The following CLPTM1L variants were observed in gnomAD, a reference collection of about 807,000 sequenced individuals.
CLPTM1L encodes the protein lipid scramblase CLPTM1L.
A neutral mutation model predicts 70.9 loss-of-function variants in CLPTM1L; 38 were observed. The observed-to-expected ratio is 0.54, with a 90% CI of 0.41 to 0.70. The LOEUF is 0.70. CLPTM1L is among the 30% of genes least tolerant of loss of function. The pLI is 0.00. For missense variants in CLPTM1L, 652 were observed against 705.9 expected (o/e 0.92, Z 0.87); for synonymous variants, 339 against 299.9 (o/e 1.13, Z -1.35).
rs71598674 is a variant in CLPTM1L, at chr5:1,342,009, CGTGTGTGTGTGTGT to C, written c.264-163_264-150del. On this transcript the variant is annotated intron_variant, in intron 2 of 16. Coordinates refer to ENST00000320895, the MANE Select transcript of CLPTM1L (RefSeq NM_030782.5). This position sits in a 1 kb window ranked among gnomAD's most constrained non-coding sequence, Gnocchi z 4.3. ...CCCACCTGCCCAGGGCTTTACGAGT[CGTGTGTGTGTGTGT>C]GTGTGTGTGTGTGTGTGCACGCGCA... is the stretch of plus-strand genomic sequence containing the variant. 23 of 503,132 alleles carry C rather than the reference CGTGTGTGTGTGTGT, an allele frequency of 4.6e-5. No homozygotes were observed. The highest frequency in any genetic ancestry group is 1.4e-4 in the Admixed American group (4 of 28,642). The allele number at this position is 503,132 out of a possible 1,614,324, so 31.2% of individuals were successfully genotyped here.
rs184316644 is a variant in CLPTM1L at position 1,329,162 on chromosome 5, C to T, written c.1080+1118G>A. Among the ~76,000 whole-genome samples the T allele has an allele frequency of 8.7e-4, 133 of 152,354 alleles. 1 individual carries two copies. Among genetic ancestry groups the T allele is most frequent in the East Asian group, 2.9e-3 (15 of 5,180 alleles). ...GGCCCTCTCACCCTGAAGGCCATCG[C>T]CCCCCTCAAGGGTTTGCTCCTGAGC... is the stretch of plus-strand genomic sequence containing the variant. On this transcript the variant is annotated intron_variant, in intron 9 of 16. Transcript: ENST00000320895.
At position 1,344,435 on chromosome 5, in the gene CLPTM1L, G is replaced by A. The variant is rs780953448; in HGVS notation, c.179C>T (p.Thr60Met). 5.0e-6 allele frequency: 8 copies of A among 1,613,492 alleles called. No individual in the cohort carries two copies. In the South Asian group the frequency reaches 8.8e-5, roughly 18 times the overall value. The change falls in exon 2 of 17, where the codon ACG (threonine) becomes ATG (methionine). Residue 60 changes from threonine (T) to methionine (M), a missense_variant. Physicochemically the swap from Thr to Met is moderately conservative, Grantham distance 81 (BLOSUM62 -1). Coordinates refer to ENST00000320895, the MANE Select transcript of CLPTM1L (RefSeq NM_030782.5). The stretch of plus-strand genomic sequence containing the variant: ...CTCAGCACCCAGGTGGGACCTCGTC[G>A]TGGTGTACACGCTCAGCTGGAAAGG... ...RPKLQLSVYT[T>M]TRSHLGAENN...
Position 1,318,710 on chromosome 5 carries a change from AC to A in CLPTM1L, c.1533-258del, listed in dbSNP as rs1751976322. 6.6e-6 allele frequency among the ~76,000 whole-genome samples: 1 copy of A among 152,088 alleles called. No homozygotes were observed. Among genetic ancestry groups the A allele is most frequent in the Non-Finnish European group, 1.5e-5 (1 of 68,014 alleles). Reference sequence around the variant, plus strand: ...GCCGAAGGGACGACCCGGAGGCTGCACGGGCTGCCATGGCTGAAGGGGGGAC... The same window carrying A: ...GCCGAAGGGACGACCCGGAGGCTGCAGGGCTGCCATGGCTGAAGGGGGGAC... On this transcript the variant is annotated intron_variant, in intron 16 of 16. Coordinates refer to ENST00000320895, the MANE Select transcript of CLPTM1L (RefSeq NM_030782.5). This position sits in a 1 kb window ranked among gnomAD's most constrained non-coding sequence, Gnocchi z 8.9.
At chr5:1,326,892 C>G (rs1310244964) in intron 9 of CLPTM1L, among the ~76,000 whole-genome samples, 1 of 150,622 alleles carries the variant, frequency 6.6e-6, no homozygotes, top group East Asian at 2.0e-4. Context: ...TCATCCAGCT[C>G]CTCCTCTACG....
Position 1,318,138 on chromosome 5 carries a change from G to A in CLPTM1L, c.*231C>T. On this transcript the variant is annotated 3_prime_UTR_variant, in exon 17 of 17. Transcript: ENST00000320895. The surrounding 1 kb of genome is among the most constrained non-coding windows in gnomAD (Gnocchi z 8.9). ...GTGCCGGGAGCCACCACAGCTCAAG[G>A]TGACCGGCAGCACCCAGCTCTGTGA... 1.8e-6 allele frequency: 1 copy of A among 540,574 alleles called. No individual in the cohort carries two copies. Among genetic ancestry groups the A allele is most frequent in the Non-Finnish European group, 3.3e-6 (1 of 306,954 alleles). The allele number at this position is 540,574 out of a possible 1,614,324, so 33.5% of individuals were successfully genotyped here. A position where few individuals can be genotyped will look rare whatever the true frequency, so the allele number is the denominator to read the frequency against.
chr5:1,330,249 C>T (rs1752995536), intron 9 of CLPTM1L, 31 bp downstream of exon 9: 1 of 1,577,826 alleles, frequency 6.3e-7, no homozygotes, highest in African/African-American at 1.3e-5. Flanking sequence ...ACATGGACCT[C>T]AGACAGTTCA....
At chr5:1,327,771 C>T (rs1295347140) in intron 9 of CLPTM1L, among the ~76,000 whole-genome samples, 6 of 151,284 alleles carry the variant, frequency 4.0e-5, no homozygotes, top group Non-Finnish European at 8.8e-5. Flanking sequence ...TCCTCCTCTA[C>T]AGGGACATTC....
At position 1,338,373 on chromosome 5, in the gene CLPTM1L, C is replaced by T. The variant is rs529576042; in HGVS notation, c.600-391G>A. On this transcript the variant is annotated intron_variant, in intron 4 of 16. Coordinates refer to ENST00000320895, the MANE Select transcript of CLPTM1L (RefSeq NM_030782.5). ...TACACTTGGAAGGGCGAGTCACCTG[C>T]AGCCACCTGGGAGGCGGAGCTGTGG... The T allele has an allele frequency of 7.6e-4, 221 of 292,232 alleles. 5 individuals are homozygous for T. The South Asian group carries it at 0.011, about 14-fold the overall frequency. 18.1% of individuals were successfully genotyped at this position (292,232 alleles called of 1,614,324 possible). A position where few individuals can be genotyped will look rare whatever the true frequency, so the allele number is the denominator to read the frequency against.
At chr5:1,335,289 C>T (rs150538822) in intron 5 of CLPTM1L, 115 bp from the exon 6 acceptor site, 12 of 811,800 alleles carry the variant, frequency 1.5e-5, no homozygotes, top group Non-Finnish European at 2.5e-5. Flanking sequence ...CCCAGGTCAG[C>T]CATGACTGGG....
intron 12 of CLPTM1L, among the ~76,000 whole-genome samples, chr5:1,323,116 G>A (rs537695743): frequency 4.4e-4 from 67 of 152,144 alleles, no homozygotes; most frequent in African/African-American, 1.5e-3. Flanking sequence ...AGCAGAGGCC[G>A]GGCACTCCAG....
intron 8 of CLPTM1L, 101 bp from the exon 9 acceptor site, chr5:1,330,484 C>T (rs1205977344): frequency 1.4e-5 from 12 of 880,110 alleles, no homozygotes; most frequent in East Asian, 2.6e-5. Flanking sequence ...CAACCCACCA[C>T]GCCCAAGAAG....
At position 1,321,691 on chromosome 5, in the gene CLPTM1L, G is replaced by A. The variant is rs1471396416; in HGVS notation, c.1372-12C>T. The A allele has an allele frequency of 2.5e-6, 4 of 1,614,030 alleles. No individual in the cohort carries two copies. Among genetic ancestry groups the A allele is most frequent in the Admixed American group, 1.7e-5 (1 of 60,036 alleles). Reference sequence around the variant, plus strand: ...GCCACTGACTTCAACTGAAACAGGAGAGACAGGCCCAGGTCAGCTGTGGGC... The same window carrying A: ...GCCACTGACTTCAACTGAAACAGGAAAGACAGGCCCAGGTCAGCTGTGGGC... On this transcript the variant is annotated splice_polypyrimidine_tract_variant and intron_variant, in intron 14 of 16. Transcript: ENST00000320895.
intron 3 of CLPTM1L, among the ~76,000 whole-genome samples, chr5:1,340,716 A>G (rs1188131827): frequency 6.6e-6 from 1 of 151,328 alleles, no homozygotes; most frequent in Admixed American, 6.6e-5. Flanking sequence ...ATCAACTCCG[A>G]GAGACCTCTC....
chr5:1,335,880 A>C (rs966747111), intron 5 of CLPTM1L, among the ~76,000 whole-genome samples: 3 of 149,052 alleles, frequency 2.0e-5, no homozygotes, highest in South Asian at 2.1e-4. Flanking sequence ...GGTGAGCACC[A>C]CCCTCCACGT....
At chr5:1,320,527 C>T (rs1327323579) in intron 16 of CLPTM1L, 89 bp downstream of exon 16, 16 of 650,112 alleles carry the variant, frequency 2.5e-5, no homozygotes, top group Middle Eastern at 4.5e-4. Context: ...GATAAACAGG[C>T]GCAGGGTGCG....
chr5:1,334,620 G>A (rs935959014), intron 6 of CLPTM1L, among the ~76,000 whole-genome samples: 18 of 152,140 alleles, frequency 1.2e-4, no homozygotes, highest in Admixed American at 2.6e-4. Flanking sequence ...TGGGCGTGGG[G>A]GCACGCGCCT....
intron 10 of CLPTM1L, 170 bp from the exon 11 acceptor site, chr5:1,324,983 C>T (rs1752428160): frequency 3.2e-6 from 2 of 631,986 alleles, no homozygotes; most frequent in Non-Finnish European, 5.7e-6. Flanking sequence ...CGGGGATCCG[C>T]ATGGATCCTT....
At position 1,325,838 on chromosome 5, in the gene CLPTM1L, T is replaced by C. The variant is rs775461236; in HGVS notation, c.1081-22A>G. Reference sequence around the variant, plus strand: ...ACAGCTGAGGGGAGAAATCAGGAAATAGTTCCTTTAATATTCGAAGGCCAG... The same window carrying C: ...ACAGCTGAGGGGAGAAATCAGGAAACAGTTCCTTTAATATTCGAAGGCCAG... On this transcript the variant is annotated intron_variant, in intron 9 of 16. Transcript: ENST00000320895. 4.3e-6 allele frequency: 7 copies of C among 1,609,468 alleles called. No homozygotes were observed. The Admixed American group carries it at 5.0e-5, about 12-fold the overall frequency.
chr5:1,340,388 A>C (rs893573433), intron 3 of CLPTM1L, among the ~76,000 whole-genome samples: 11 of 152,210 alleles, frequency 7.2e-5, no homozygotes, highest in African/African-American at 2.4e-4. Flanking sequence ...TGACAGGGAA[A>C]TCTTAGCTCG....
Sources: gnomAD v4.1 joint callset for allele counts (sites outside exome capture counted in the v4.1 genomes callset) on GRCh38, gnomAD v4.1.1 for gene constraint, Gnocchi (gnomAD v3.1) non-coding constraint, MANE v1.5 for transcripts, NCBI Gene and HGNC (gene_info 2026-07-23, HGNC 2026-07-21) for gene names.